Variants in ATRNL1 observed in about 807,000 individuals in gnomAD.
ATRNL1 encodes the protein attractin-like protein 1.
Under a neutral mutation model 182.7 loss-of-function variants are expected in ATRNL1, and 95 were observed. The ratio of observed to expected loss-of-function variants is 0.52; its 90% CI spans 0.44 to 0.62. The LOEUF (loss-of-function observed/expected upper bound fraction) is 0.62, where lower values mean the gene tolerates loss of function less well. Ranked by LOEUF, ATRNL1 falls within the 20% of genes least tolerant of loss-of-function variation. ATRNL1 has a pLI of 0.00. For synonymous variants in ATRNL1, 576 were observed against 568.3 expected (o/e 1.01, Z -0.19); for missense variants, 1,471 against 1,679.5 (o/e 0.88, Z 2.17).
At chr10:115,499,506 G>A (rs782426556) in intron 24 of ATRNL1, among the ~76,000 whole-genome samples, 14 of 152,146 alleles carry the variant, frequency 9.2e-5, no homozygotes, top group Non-Finnish European at 2.1e-4. Context: ...AGCCTCAGAA[G>A]GTTTTGATGA....
chr10:115,396,378 C>T (rs641453), intron 20 of ATRNL1, among the ~76,000 whole-genome samples: 57,795 of 151,720 alleles, frequency 0.38, 12,189 homozygotes, highest in African/African-American at 0.57. Context: ...TTCATGGGCA[C>T]GTGGCCTGTG....
At chr10:115,556,555 A>G (rs947472443) in intron 26 of ATRNL1, among the ~76,000 whole-genome samples, 6 of 152,164 alleles carry the variant, frequency 3.9e-5, no homozygotes, top group Non-Finnish European at 8.8e-5. Flanking sequence ...TTTAAAACAC[A>G]TTAGAGTTTA....
At position 115,442,303 on chromosome 10, in the gene ATRNL1, C is replaced by CTCTCTCTCTCTCTCTCTG. The variant is rs782157017; in HGVS notation, c.3322+16002_3322+16003insCTCTCTCTCTCTCTCTGT. Among the ~76,000 whole-genome samples, 918 of 123,710 alleles carry CTCTCTCTCTCTCTCTCTG rather than the reference C, an allele frequency of 7.4e-3. 21 individuals are homozygous for CTCTCTCTCTCTCTCTCTG. The highest frequency in any genetic ancestry group is 0.01 in the African/African-American group (328 of 32,140). 81.2% of individuals were successfully genotyped at this position (123,710 alleles called of 152,430 possible). A position where few individuals can be genotyped will look rare whatever the true frequency, so the allele number is the denominator to read the frequency against. Reference sequence around the variant, plus strand: ...TCTCTCTCTCTCTCTCTCTCTCTCTCTGTGTGTATGTGTGTGTGTAAACAA... The same window carrying CTCTCTCTCTCTCTCTCTG: ...TCTCTCTCTCTCTCTCTCTCTCTCTCTCTCTCTCTCTCTCTCTGTGTGTGTATGTGTGTGTGTAAACAA... On this transcript the variant is annotated intron_variant, in intron 21 of 28. Transcript: ENST00000355044.
intron 8 of ATRNL1, among the ~76,000 whole-genome samples, chr10:115,177,887 TTGG>T: frequency 6.7e-6 from 1 of 149,276 alleles, no homozygotes. Flanking sequence ...TTTTTTTTTT[TTGG>T]TTTTGTTTTT....
At chr10:115,735,583 A>C (rs1229614074) in intron 27 of ATRNL1, among the ~76,000 whole-genome samples, 4 of 152,198 alleles carry the variant, frequency 2.6e-5, no homozygotes, top group Non-Finnish European at 5.9e-5. Flanking sequence ...CAATATTAAT[A>C]ACTTGCCAGC....
At position 115,366,924 on chromosome 10, in the gene ATRNL1, C is replaced by T. The variant is rs7920987; in HGVS notation, c.3176-27735C>T. ...GATGGGCTTCCCTTTGTGGGTAACC[C>T]GACCTTTCTCTCTGGCTGCCCTTAA... On this transcript the variant is annotated intron_variant, in intron 19 of 28. Transcript: ENST00000355044. Among the ~76,000 whole-genome samples the T allele has an allele frequency of 8.2e-4, 117 of 143,186 alleles. 2 individuals carry two copies. Among genetic ancestry groups the T allele is most frequent in the African/African-American group, 2.9e-3 (104 of 36,120 alleles). 93.9% of individuals were successfully genotyped at this position (143,186 alleles called of 152,430 possible).
chr10:115,408,292 C>T (rs998352397), intron 20 of ATRNL1, among the ~76,000 whole-genome samples: 4 of 152,108 alleles, frequency 2.6e-5, no homozygotes, highest in East Asian at 1.9e-4. Context: ...CGTGAGCCAC[C>T]GCGCCCGGCC....
chr10:115,411,046 T>A (rs2134339312), intron 20 of ATRNL1, among the ~76,000 whole-genome samples: 1 of 152,266 alleles, frequency 6.6e-6, no homozygotes, highest in South Asian at 2.1e-4. Flanking sequence ...TACCCCTTCA[T>A]ATTTAATCAT....
chr10:115,742,043 A>C (rs1948153773), intron 27 of ATRNL1, among the ~76,000 whole-genome samples: 1 of 152,200 alleles, frequency 6.6e-6, no homozygotes. Context: ...AAAAGATGGA[A>C]TTTGGTAATT....
rs539498976 is a variant in ATRNL1 at position 115,619,357 on chromosome 10, C to T, written c.3795+69821C>T. On this transcript the variant is annotated intron_variant, in intron 26 of 28. Coordinates refer to ENST00000355044, the MANE Select transcript of ATRNL1 (RefSeq NM_207303.4). ...ACTGTGAGCCCTGTGCAGGCTGGCC[C>T]CACAGCCCCTAGTACCAGAGGTGCA... 2.6e-5 allele frequency among the ~76,000 whole-genome samples: 4 copies of T among 152,266 alleles called. No homozygotes were observed. The East Asian group carries it at 5.8e-4, about 22-fold the overall frequency.
chr10:115,559,441 TGTGC>T (rs1554998481), intron 26 of ATRNL1, among the ~76,000 whole-genome samples: 1 of 15,256 alleles, frequency 6.6e-5, no homozygotes, highest in East Asian at 6.5e-4. Flanking sequence ...TGTGTGTGTG[TGTGC>T]GCGCGCGCAC....
chr10:115,744,925 A>T (rs1948246515), intron 27 of ATRNL1, among the ~76,000 whole-genome samples: 1 of 152,170 alleles, frequency 6.6e-6, no homozygotes, highest in African/African-American at 2.4e-5. Context: ...GCAGAAAAAT[A>T]TATTATACAA....
intron 25 of ATRNL1, among the ~76,000 whole-genome samples, chr10:115,538,152 T>C (rs539760004): frequency 2.0e-5 from 3 of 152,378 alleles, no homozygotes; most frequent in East Asian, 1.9e-4. Context: ...ATAATGCTGC[T>C]GTGATCAACA....
intron 25 of ATRNL1, among the ~76,000 whole-genome samples, chr10:115,536,139 A>T (rs561324167): frequency 9.2e-5 from 14 of 152,006 alleles, no homozygotes; most frequent in Non-Finnish European, 1.9e-4. Context: ...CTCTCTTCGA[A>T]GCTGTCAGAC....
intron 12 of ATRNL1, 85 bp from the exon 13 acceptor site, chr10:115,268,241 A>C: frequency 1.3e-6 from 1 of 781,316 alleles, no homozygotes; most frequent in Non-Finnish European, 2.2e-6. Flanking sequence ...AGTGATTCTT[A>C]ATGATTCTTA....
chr10:115,095,986 C>G (rs1554863030), intron 1 of ATRNL1, among the ~76,000 whole-genome samples: 1 of 152,196 alleles, frequency 6.6e-6, no homozygotes, highest in African/African-American at 2.4e-5. Flanking sequence ...GCTGGATCAG[C>G]AGCCTGTGAC....
At chr10:115,696,312 A>G (rs902741650) in intron 26 of ATRNL1, among the ~76,000 whole-genome samples, 16 of 152,098 alleles carry the variant, frequency 1.1e-4, no homozygotes, top group African/African-American at 3.9e-4. Flanking sequence ...TTATAATGGA[A>G]TGATTTAATT....
chr10:115,452,002 C>G (rs1361668288), intron 21 of ATRNL1, among the ~76,000 whole-genome samples: 1 of 152,084 alleles, frequency 6.6e-6, no homozygotes, highest in Admixed American at 6.6e-5. Flanking sequence ...CAAACCAATG[C>G]AGGTACAGAA....
intron 8 of ATRNL1, among the ~76,000 whole-genome samples, chr10:115,195,046 T>C (rs1204591519): frequency 4.6e-5 from 7 of 152,048 alleles, no homozygotes; most frequent in African/African-American, 1.4e-4. Flanking sequence ...ATTTATATCT[T>C]TTTATACAGT....
Sources: allele counts gnomAD v4.1 joint callset (sites outside exome capture counted in the v4.1 genomes callset), GRCh38; gene constraint gnomAD v4.1.1; transcripts MANE v1.5; gene names NCBI Gene and HGNC (gene_info 2026-07-23, HGNC 2026-07-21).